Variants in CUX1 observed in about 807,000 individuals in gnomAD.
CUX1 encodes protein CASP.
Under a neutral mutation model 158.8 loss-of-function variants are expected in CUX1, and 31 were observed. That is an observed-to-expected ratio of 0.20 (90% confidence interval 0.15 to 0.26). The LOEUF (loss-of-function observed/expected upper bound fraction) is 0.26. Ranked by LOEUF, CUX1 falls within the 10% of genes least tolerant of loss-of-function variation. The pLI is 1.00. For synonymous variants in CUX1, 879 were observed against 862.1 expected (o/e 1.02, Z -0.34); for missense variants, 1,589 against 2,014.6 (o/e 0.79, Z 4.04).
chr7:101,830,378 C>T (rs1421265676), intron 1 of CUX1, among the ~76,000 whole-genome samples: 1 of 152,190 alleles, frequency 6.6e-6, no homozygotes, highest in Non-Finnish European at 1.5e-5. Context: ...CAGCGACATC[C>T]CTGAGATCTT....
At chr7:102,098,365 G>T (rs151182686) in intron 5 of CUX1, among the ~76,000 whole-genome samples, 1 of 152,114 alleles carries the variant, frequency 6.6e-6, no homozygotes, top group Non-Finnish European at 1.5e-5. Context: ...TAATCCCAGC[G>T]CTTTGAGAGG....
At chr7:102,022,570 A>T (rs867422752) in intron 2 of CUX1, among the ~76,000 whole-genome samples, 1 of 151,448 alleles carries the variant, frequency 6.6e-6, no homozygotes, top group African/African-American at 2.4e-5. Flanking sequence ...GTGAGCTATG[A>T]TTGAGCCACT....
intron 1 of CUX1, among the ~76,000 whole-genome samples, chr7:101,882,771 G>C (rs895180284): frequency 6.6e-5 from 10 of 152,202 alleles, no homozygotes; most frequent in East Asian, 5.8e-4. Context: ...GCCCCTCTCT[G>C]TGGGCGTGGG....
intron 9 of CUX1, among the ~76,000 whole-genome samples, chr7:102,167,934 C>T (rs1349919051): frequency 1.3e-5 from 2 of 151,906 alleles, no homozygotes; most frequent in South Asian, 2.1e-4. Flanking sequence ...AAAAATGAGT[C>T]GGTTGTGGCA....
At chr7:102,233,999 C>G (rs1799279580) in intron 21 of CUX1, 53 bp from the exon 22 acceptor site, 1 of 1,375,934 alleles carries the variant, frequency 7.3e-7, no homozygotes, top group Non-Finnish European at 9.5e-7. Context: ...CTTGTCCCTT[C>G]AGATCCCTGG....
At chr7:102,074,175 G>A (rs1370468264) in intron 4 of CUX1, among the ~76,000 whole-genome samples, 3 of 152,234 alleles carry the variant, frequency 2.0e-5, no homozygotes, top group Non-Finnish European at 4.4e-5. Context: ...TTAACTGTCT[G>A]CATACTTCAG....
chr7:102,051,757 A>T (rs1823533983), intron 3 of CUX1, among the ~76,000 whole-genome samples: 2 of 152,108 alleles, frequency 1.3e-5, no homozygotes, highest in Non-Finnish European at 2.9e-5. Flanking sequence ...CAGACCAGGC[A>T]GCTGGATGAC....
chr7:101,860,777 C>CTTCCTTCCTTCCTTCA (rs1797370237), intron 1 of CUX1, among the ~76,000 whole-genome samples: 1 of 135,716 alleles, frequency 7.4e-6, no homozygotes, highest in African/African-American at 2.8e-5. Flanking sequence ...TCCTTCCTTC[C>CTTCCTTCCTTCCTTCA]TTCCTTCCCT....
chr7:102,172,428 G>A (rs934842477), intron 10 of CUX1, among the ~76,000 whole-genome samples: 1 of 151,514 alleles, frequency 6.6e-6, no homozygotes, highest in African/African-American at 2.4e-5. Flanking sequence ...ATGGCTCGCT[G>A]TAGCCTTGAC....
chr7:101,826,456 T>C (rs1793309779), intron 1 of CUX1, among the ~76,000 whole-genome samples: 1 of 152,000 alleles, frequency 6.6e-6, no homozygotes. Context: ...CCCTCCTTGG[T>C]CTCCTAAAGT....
At chr7:101,973,505 C>T (rs1425399240) in intron 2 of CUX1, among the ~76,000 whole-genome samples, 1 of 152,136 alleles carries the variant, frequency 6.6e-6, no homozygotes, top group African/African-American at 2.4e-5. Context: ...TGAAGTCATG[C>T]ATACAGGGAA....
chr7:101,907,696 C>T lies in CUX1; in HGVS notation c.31-8419C>T, dbSNP rs529145649. On this transcript the variant is annotated intron_variant, in intron 1 of 23. Coordinates refer to ENST00000292535, the MANE Select transcript of CUX1 (RefSeq NM_181552.4). ...CATGAACTTTAACTTTAGGAATCTA[C>T]AAGGTTCTCCTTTAAATGGAGCCCA... is the stretch of plus-strand genomic sequence containing the variant. Among the ~76,000 whole-genome samples, 12 of 152,234 alleles carry T rather than the reference C, an allele frequency of 7.9e-5. No individual in the cohort carries two copies. The South Asian group carries it at 1.9e-3, about 24-fold the overall frequency.
At chr7:101,948,331 A>T (rs551756358) in intron 2 of CUX1, among the ~76,000 whole-genome samples, 7 of 152,220 alleles carry the variant, frequency 4.6e-5, no homozygotes, top group Non-Finnish European at 8.8e-5. Context: ...ATTTGCAATT[A>T]CATCTCTTAA....
chr7:101,817,128 G>C, upstream of CUX1: 1 of 984,552 alleles, frequency 1.0e-6, no homozygotes. This position sits in a 1 kb window ranked among gnomAD's most constrained non-coding sequence, Gnocchi z 4.1. Context: ...GGACCGCCGG[G>C]TGCGGGCGCG....
At chr7:101,951,153 A>G (rs1232587021) in intron 2 of CUX1, among the ~76,000 whole-genome samples, 1 of 151,990 alleles carries the variant, frequency 6.6e-6, no homozygotes, top group Non-Finnish European at 1.5e-5. Flanking sequence ...AACATAGCAA[A>G]ACACCATCTC....
intron 4 of CUX1, among the ~76,000 whole-genome samples, chr7:102,090,262 G>C (rs1828404930): frequency 6.6e-6 from 1 of 152,040 alleles, no homozygotes; most frequent in Non-Finnish European, 1.5e-5. Flanking sequence ...TGGAATCAGA[G>C]TGTTTTGGAT....
At chr7:101,866,231 G>A (rs1233794867) in intron 1 of CUX1, among the ~76,000 whole-genome samples, 6 of 152,120 alleles carry the variant, frequency 3.9e-5, no homozygotes, top group Non-Finnish European at 8.8e-5. Flanking sequence ...GGAGGCTGAG[G>A]TGGGTGGATC....
intron 1 of CUX1, among the ~76,000 whole-genome samples, chr7:101,887,509 A>G (rs927858149): frequency 7.9e-5 from 12 of 151,744 alleles, no homozygotes; most frequent in South Asian, 2.1e-4. Context: ...GGGTCTTGCT[A>G]TGTTGCCCAG....
intron 3 of CUX1, among the ~76,000 whole-genome samples, chr7:102,051,732 G>A (rs928586835): frequency 6.6e-6 from 1 of 152,030 alleles, no homozygotes; most frequent in Non-Finnish European, 1.5e-5. Flanking sequence ...GGATGCCCAA[G>A]ACTATCTTTA....
Sources: allele counts gnomAD v4.1 joint callset (sites outside exome capture counted in the v4.1 genomes callset), GRCh38; gene constraint gnomAD v4.1.1; non-coding constraint Gnocchi (gnomAD v3.1); transcripts MANE v1.5; gene names NCBI Gene and HGNC (gene_info 2026-07-23, HGNC 2026-07-21).